PEX14: variants seen among roughly 807,000 people sequenced by gnomAD.
PEX14 encodes the protein peroxisomal membrane protein PEX14.
PEX14 carries 15 observed loss-of-function variants against 49.5 expected under a neutral mutation model. That is an observed-to-expected ratio of 0.30 (90% CI 0.20 to 0.47). PEX14 has a LOEUF of 0.47. Ranked by LOEUF, PEX14 falls within the 20% of genes least tolerant of loss-of-function variation. The pLI is 1.00. For synonymous variants in PEX14, 210 were observed against 212.7 expected (o/e 0.99, Z 0.11); for missense variants, 398 against 494.8 (o/e 0.80, Z 1.86).
At chr1:10,547,311 G>A (rs988861377) in intron 3 of PEX14, among the ~76,000 whole-genome samples, 4 of 152,186 alleles carry the variant, frequency 2.6e-5, no homozygotes, top group Non-Finnish European at 5.9e-5. Context: ...GCAATCAAAA[G>A]CAGCAAGAAC....
In PEX14 at chr1:10,580,036, T is replaced by C. The variant is rs529643587; in HGVS notation, c.170-19202T>C. ...GTCTTCAGGAAGGGATAAAGAGCCG[T>C]GGGAATGTTAAATACATAGGAAAAT... On this transcript the variant is annotated intron_variant, in intron 3 of 8. Coordinates refer to ENST00000356607, the MANE Select transcript of PEX14 (RefSeq NM_004565.3). Among the ~76,000 whole-genome samples the C allele has an allele frequency of 2.0e-5, 3 of 152,082 alleles. No individual in the cohort carries two copies. In the South Asian group the frequency reaches 6.2e-4, roughly 32 times the overall value.
chr1:10,574,249 T>C (rs1640061058), intron 3 of PEX14, among the ~76,000 whole-genome samples: 1 of 152,196 alleles, frequency 6.6e-6, no homozygotes, highest in Non-Finnish European at 1.5e-5. Flanking sequence ...TGAATGAGTC[T>C]TAAAGAATTC....
At chr1:10,594,294 C>T (rs529326262) in intron 3 of PEX14, among the ~76,000 whole-genome samples, 22 of 152,264 alleles carry the variant, frequency 1.4e-4, no homozygotes. Flanking sequence ...CATCTCCTCC[C>T]AGAGTGTGCC....
At chr1:10,625,360 C>T (rs756582518) in intron 7 of PEX14, among the ~76,000 whole-genome samples, 41 of 152,216 alleles carry the variant, frequency 2.7e-4, no homozygotes, top group Non-Finnish European at 5.7e-4. Flanking sequence ...CTGTCTGCCC[C>T]CACAGCCTGG....
At chr1:10,526,553 G>C (rs1236220441) in intron 2 of PEX14, among the ~76,000 whole-genome samples, 1 of 152,024 alleles carries the variant, frequency 6.6e-6, no homozygotes, top group East Asian at 1.9e-4. Context: ...CCATACTTTA[G>C]TTTTTTTGTT....
intron 3 of PEX14, among the ~76,000 whole-genome samples, chr1:10,598,439 G>A (rs1422203580): frequency 1.3e-5 from 2 of 152,188 alleles, no homozygotes; most frequent in Non-Finnish European, 2.9e-5. Flanking sequence ...CGGCCTTCAT[G>A]GGTTTTCATT....
chr1:10,520,212 G>A (rs1308892844), intron 2 of PEX14, among the ~76,000 whole-genome samples: 1 of 145,428 alleles, frequency 6.9e-6, no homozygotes, highest in South Asian at 2.2e-4. Flanking sequence ...AGGCTGGAGT[G>A]CAGTGCTGCG....
At chr1:10,575,238 G>A (rs2124557707) in intron 3 of PEX14, among the ~76,000 whole-genome samples, 1 of 152,226 alleles carries the variant, frequency 6.6e-6, no homozygotes, top group East Asian at 1.9e-4. Flanking sequence ...GCAACTTTAT[G>A]CACTGAAAAA....
intron 1 of PEX14, among the ~76,000 whole-genome samples, chr1:10,478,208 A>G (rs1641228791): frequency 6.6e-6 from 1 of 152,182 alleles, no homozygotes; most frequent in Non-Finnish European, 1.5e-5. Context: ...TTATTTATGT[A>G]AAAATGCCAG....
At chr1:10,517,965 A>G (rs1010662812) in intron 2 of PEX14, among the ~76,000 whole-genome samples, 1 of 152,192 alleles carries the variant, frequency 6.6e-6, no homozygotes, top group Admixed American at 6.5e-5. Context: ...CTTTGTCCCA[A>G]CTTGACTTCC....
intron 6 of PEX14, 123 bp from the exon 7 acceptor site, chr1:10,624,217 G>A: frequency 1.3e-6 from 1 of 776,288 alleles, no homozygotes; most frequent in Non-Finnish European, 2.4e-6. Context: ...TGCGGGGGCT[G>A]GGGGTGTCTG....
chr1:10,538,643 C>T (rs1475717233), intron 3 of PEX14, among the ~76,000 whole-genome samples: 4 of 152,242 alleles, frequency 2.6e-5, no homozygotes, highest in Admixed American at 1.3e-4. Flanking sequence ...TTTCAAATTT[C>T]GGGCTGTTCC....
chr1:10,543,667 C>T lies in PEX14; in HGVS notation c.169+7370C>T, dbSNP rs893069106. 2.6e-5 allele frequency among the ~76,000 whole-genome samples: 4 copies of T among 152,132 alleles called. No homozygotes were observed. In the South Asian group the frequency reaches 8.3e-4, roughly 32 times the overall value. On this transcript the variant is annotated intron_variant, in intron 3 of 8. Transcript: ENST00000356607. ...TATTGCCTAGGCTGGAATGTAATGG[C>T]ATGATCATAGCTCACTGAAGCCTTG... is the stretch of plus-strand genomic sequence containing the variant.
At position 10,512,692 on chromosome 1, in the gene PEX14, CT is replaced by C. The variant is rs57693471; in HGVS notation, c.84+17382del. ...TGAAATGCTCCCTGTTCTTTTCCTT[CT>C]TTTTTTTTTTAACTTTTATTTTTTA... is the stretch of plus-strand genomic sequence containing the variant. On this transcript the variant is annotated intron_variant, in intron 2 of 8. Transcript: ENST00000356607. The surrounding 1 kb of genome is among the most constrained non-coding windows in gnomAD (Gnocchi z 4.6). Among the ~76,000 whole-genome samples, 58 of 146,990 alleles carry C rather than the reference CT, an allele frequency of 3.9e-4. No homozygotes were observed. Among genetic ancestry groups the C allele is most frequent in the Admixed American group, 4.1e-4 (6 of 14,720 alleles).
intron 1 of PEX14, among the ~76,000 whole-genome samples, chr1:10,488,136 T>C (rs1433816511): frequency 6.6e-6 from 1 of 152,192 alleles, no homozygotes; most frequent in African/African-American, 2.4e-5. Flanking sequence ...TAAAAATAGA[T>C]GTGAGGATAT....
At chr1:10,552,396 C>T (rs899510110) in intron 3 of PEX14, among the ~76,000 whole-genome samples, 5 of 152,168 alleles carry the variant, frequency 3.3e-5, no homozygotes, top group African/African-American at 1.2e-4. Context: ...GATCTGAGAT[C>T]ACGCCATTGT....
intron 3 of PEX14, among the ~76,000 whole-genome samples, chr1:10,537,968 C>CA (rs1326947322): frequency 3.3e-5 from 5 of 151,938 alleles, no homozygotes; most frequent in African/African-American, 9.7e-5. Flanking sequence ...GCTCCTTTAG[C>CA]AAAAAAAATC....
At chr1:10,616,533 C>G (rs934815575) in intron 4 of PEX14, among the ~76,000 whole-genome samples, 1 of 152,190 alleles carries the variant, frequency 6.6e-6, no homozygotes, top group Non-Finnish European at 1.5e-5. Context: ...TTCCGGATAG[C>G]TCTCCACTGG....
intron 3 of PEX14, among the ~76,000 whole-genome samples, chr1:10,585,746 C>G (rs1394425081): frequency 6.6e-6 from 1 of 152,132 alleles, no homozygotes; most frequent in Non-Finnish European, 1.5e-5. Flanking sequence ...ATGGCGAAAC[C>G]CTGTCTCTAT....
Sources: allele counts gnomAD v4.1 joint callset (sites outside exome capture counted in the v4.1 genomes callset), GRCh38; gene constraint gnomAD v4.1.1; non-coding constraint Gnocchi (gnomAD v3.1); transcripts MANE v1.5; gene names NCBI Gene and HGNC (gene_info 2026-07-23, HGNC 2026-07-21).